The following CALR variants were observed in gnomAD, a reference collection of about 807,000 sequenced individuals.
The protein encoded by CALR is CRP55.
In CALR, 15 loss-of-function variants were observed where a neutral mutation model predicts 51.1. The observed-to-expected ratio is 0.29, with a 90% CI of 0.20 to 0.45. The LOEUF is 0.45. Among genes scored for constraint, CALR ranks in the 20% least tolerant of loss-of-function variants. The pLI is 1.00. For synonymous variants in CALR, 239 were observed against 205.9 expected (o/e 1.16, Z -1.38); for missense variants, 477 against 530.6 (o/e 0.90, Z 0.99).
intron 1 of CALR, 133 bp downstream of exon 1, chr19:12,938,903 T>A: frequency 1.2e-6 from 1 of 813,242 alleles, no homozygotes; most frequent in Non-Finnish European, 2.1e-6. Flanking sequence ...CGCGGGCGAT[T>A]TCTCTTCTGC....
chr19:12,940,027 C>CT, intron 3 of CALR, 26 bp from the exon 4 acceptor site: 3 of 1,544,882 alleles, frequency 1.9e-6, no homozygotes, highest in Middle Eastern at 1.7e-4. Context: ...GTCTCTGACT[C>CT]TTAACTGGAT....
Position 12,940,453 on chromosome 19 carries a change from G to T in CALR, c.702+1G>T. On this transcript the variant is annotated splice_donor_variant, in intron 5 of 8. Coordinates refer to ENST00000316448, the MANE Select transcript of CALR (RefSeq NM_004343.4). LOFTEE classifies it high-confidence loss of function. ...TGATCCCACAGACTCCAAGCCTGAGGTTGGTGTTTGGGCAGGGGCTCTGCT... is the reference window on the plus strand; with the variant it reads ...TGATCCCACAGACTCCAAGCCTGAGTTTGGTGTTTGGGCAGGGGCTCTGCT... 1 of 1,614,158 alleles carries T rather than the reference G, an allele frequency of 6.2e-7. No individual in the cohort carries two copies. The highest frequency in any genetic ancestry group is 1.7e-5 in the Admixed American group (1 of 60,014).
chr19:12,940,286 A>G lies in CALR; in HGVS notation c.536A>G (p.Asp179Gly), dbSNP rs956997728. 9.3e-6 allele frequency: 15 copies of G among 1,614,100 alleles called. No homozygotes were observed. The Admixed American group carries it at 1.8e-4, about 20-fold the overall frequency. The change falls in exon 5 of 9, where the codon GAC becomes GGC. Residue 179 changes from aspartate (D) to glycine (G), a missense_variant. Coordinates refer to ENST00000316448, the MANE Select transcript of CALR (RefSeq NM_004343.4). The part of the protein sequence containing the change: ...THLYTLIVRP[D>G]NTYEVKIDNS... ...CTGTACACACTGATTGTGCGGCCAG[A>G]CAACACCTATGAGGTGAAGATTGAC...
At position 12,940,165 on chromosome 19, in the gene CALR, G is replaced by A; in HGVS notation, c.492+18G>A. The A allele has an allele frequency of 6.2e-7, 1 of 1,612,538 alleles. No homozygotes were observed. The highest frequency in any genetic ancestry group is 8.5e-7 in the Non-Finnish European group (1 of 1,178,502). On this transcript the variant is annotated intron_variant, in intron 4 of 8. Coordinates refer to ENST00000316448, the MANE Select transcript of CALR (RefSeq NM_004343.4). ...GTTGCAAGGTGTGCCTGGGGGTGGT[G>A]GCAAATGGCTGTCATGGGGAGATTC...
At position 12,938,805 on chromosome 19, in the gene CALR, G is replaced by T. The variant is rs772027359; in HGVS notation, c.91+35G>T. On this transcript the variant is annotated intron_variant, in intron 1 of 8. Transcript: ENST00000316448. ...GGTCCCGCCTCGAGGCCGCCCCGAC[G>T]ACGCGGCCGGCCCCCGATCCTGGAT... The T allele has an allele frequency of 2.7e-6, 4 of 1,483,794 alleles. No individual in the cohort carries two copies. The East Asian group carries it at 7.0e-5, about 26-fold the overall frequency. 91.9% of individuals were successfully genotyped at this position (1,483,794 alleles called of 1,614,324 possible). A position where few individuals can be genotyped will look rare whatever the true frequency, so the allele number is the denominator to read the frequency against.
Position 12,940,462 on chromosome 19 carries a change from T to G in CALR, c.702+10T>G. The G allele has an allele frequency of 6.2e-7, 1 of 1,614,092 alleles. No homozygotes were observed. Among genetic ancestry groups the G allele is most frequent in the Non-Finnish European group, 8.5e-7 (1 of 1,179,984 alleles). The stretch of plus-strand genomic sequence containing the variant: ...AGACTCCAAGCCTGAGGTTGGTGTT[T>G]GGGCAGGGGCTCTGCTCTCCACATT... On this transcript the variant is annotated intron_variant, in intron 5 of 8. Transcript: ENST00000316448.
intron 7 of CALR, among the ~76,000 whole-genome samples, chr19:12,942,935 T>A (rs1279656920): frequency 6.6e-6 from 1 of 151,986 alleles, no homozygotes; most frequent in Non-Finnish European, 1.5e-5. Flanking sequence ...TAATTTTTTT[T>A]AGTAGAGACA....
At chr19:12,938,913 C>T (rs973971403) in intron 1 of CALR, 143 bp downstream of exon 1, 60 of 795,120 alleles carry the variant, frequency 7.5e-5, no homozygotes, top group South Asian at 7.2e-4. Flanking sequence ...TTCTCTTCTG[C>T]GTCCCTGGGG....
chr19:12,943,434 C>G, intron 7 of CALR, 103 bp from the exon 8 acceptor site: 1 of 979,366 alleles, frequency 1.0e-6, no homozygotes. Context: ...TCTGCAGATG[C>G]AGGCAGCAGA....
chr19:12,942,897 C>T (rs1034465751), intron 7 of CALR, among the ~76,000 whole-genome samples: 1 of 151,692 alleles, frequency 6.6e-6, no homozygotes, highest in Non-Finnish European at 1.5e-5. Flanking sequence ...GCTGGGATTA[C>T]AGGGATGCGC....
rs1971587645 is a variant in CALR at position 12,943,917 on chromosome 19, GGCCT to G, written c.*9_*12del. Reference sequence around the variant, plus strand: ...CCAGGCCAAGGACGAGCTGTAGAGAGGCCTGCCTCCAGGGCTGGACTGAGGCCTG... The same window carrying G: ...CCAGGCCAAGGACGAGCTGTAGAGAGGCCTCCAGGGCTGGACTGAGGCCTG... On this transcript the variant is annotated 3_prime_UTR_variant, in exon 9 of 9. Coordinates refer to ENST00000316448, the MANE Select transcript of CALR (RefSeq NM_004343.4). 1 of 1,603,030 alleles carries G rather than the reference GGCCT, an allele frequency of 6.2e-7. No homozygotes were observed. Among genetic ancestry groups the G allele is most frequent in the Non-Finnish European group, 8.5e-7 (1 of 1,176,112 alleles).
rs753035212 is a variant in CALR, at chr19:12,940,376, A to C, written c.626A>C (p.Lys209Thr). Residue 209 changes from lysine to threonine, a missense_variant, in exon 5 of 9, where the codon AAG becomes ACG. By Grantham distance (78) the Lys-to-Thr change is moderately conservative. Transcript: ENST00000316448. ...DWDFLPPKKIKDPDASKPEDW... is the reference protein window; with the variant it reads ...DWDFLPPKKITDPDASKPEDW... ...GACTTCCTGCCACCCAAGAAGATAA[A>C]GGATCCTGATGCTTCAAAACCGGAA... 12 of 1,614,174 alleles carry C rather than the reference A, an allele frequency of 7.4e-6. No individual in the cohort carries two copies. The highest frequency in any genetic ancestry group is 1.0e-5 in the Non-Finnish European group (12 of 1,180,024).
At chr19:12,941,622 A>AC (rs898017354) in intron 7 of CALR, among the ~76,000 whole-genome samples, 1 of 148,208 alleles carries the variant, frequency 6.7e-6, no homozygotes, top group Non-Finnish European at 1.5e-5. Flanking sequence ...GACTACAGGC[A>AC]CCCCCCACCA....
At position 12,940,809 on chromosome 19, in the gene CALR, T is replaced by A; in HGVS notation, c.882T>A (p.Ile294=). The change falls in exon 7 of 9, where the codon ATT becomes ATA. Residue 294 remains isoleucine, a synonymous_variant. Transcript: ENST00000316448. ...AGGGCACTTGGATCCACCCAGAAAT[T>A]GACAACCCCGAGTATTCTCCCGATC... is the stretch of plus-strand genomic sequence containing the variant. ...DYKGTWIHPE[I]DNPEYSPDPS... 6.2e-7 allele frequency: 1 copy of A among 1,613,970 alleles called. No individual in the cohort carries two copies. The highest frequency in any genetic ancestry group is 2.2e-5 in the East Asian group (1 of 44,874).
rs1360248191 is a variant in CALR, at chr19:12,943,819, A to T, written c.1160A>T (p.Asp387Val). ...KEEEEAEDKE[D>V]DEDKDEDEED... ...GAGGAGGAGGCAGAGGACAAGGAGG[A>T]TGATGAGGACAAAGATGAGGATGAG... Residue 387 changes from aspartate (D) to valine (V), a missense_variant, in exon 9 of 9, where the codon GAT (aspartate) becomes GTT (valine). By Grantham distance (152) the Asp-to-Val change is radical (BLOSUM62 -3). Coordinates refer to ENST00000316448, the MANE Select transcript of CALR (RefSeq NM_004343.4). The T allele has an allele frequency of 6.3e-7, 1 of 1,582,346 alleles. No homozygotes were observed. The highest frequency in any genetic ancestry group is 8.6e-7 in the Non-Finnish European group (1 of 1,163,798).
intron 7 of CALR, among the ~76,000 whole-genome samples, chr19:12,942,451 GTACCTGAAAAA>G (rs999910268): frequency 6.6e-6 from 1 of 151,958 alleles, no homozygotes; most frequent in African/African-American, 2.4e-5. Flanking sequence ...CATGTAGTAG[GTACCTGAAAAA>G]TACCTGAATA....
rs528652331 is a variant in CALR, at chr19:12,939,461, C to G, written c.227C>G (p.Ala76Gly). The G allele has an allele frequency of 6.2e-7, 1 of 1,612,540 alleles. No homozygotes were observed. The highest frequency in any genetic ancestry group is 8.5e-7 in the Non-Finnish European group (1 of 1,180,030). The change falls in exon 3 of 9, where the codon GCT becomes GGT. Residue 76 changes from alanine (A) to glycine (G), a missense_variant. Coordinates refer to ENST00000316448, the MANE Select transcript of CALR (RefSeq NM_004343.4). ...ACAAGCCAGGATGCACGCTTTTATG[C>G]TCTGTCGGCCAGTTTCGAGCCTTTC... ...LQTSQDARFY[A>G]LSASFEPFSN...
At position 12,939,055 on chromosome 19, in the gene CALR, T is replaced by C. The variant is rs1971507285; in HGVS notation, c.92-79T>C. ...GATCTCCTTTCCTGTCCCCAGCAGCTTGTGGCTCTCGGCAGATGTTTGGTG... is the reference window on the plus strand; with the variant it reads ...GATCTCCTTTCCTGTCCCCAGCAGCCTGTGGCTCTCGGCAGATGTTTGGTG... On this transcript the variant is annotated intron_variant, in intron 1 of 8. Coordinates refer to ENST00000316448, the MANE Select transcript of CALR (RefSeq NM_004343.4). 5 of 862,194 alleles carry C rather than the reference T, an allele frequency of 5.8e-6. No individual in the cohort carries two copies. In the South Asian group the frequency reaches 7.2e-5, roughly 12 times the overall value. 53.4% of individuals were successfully genotyped at this position (862,194 alleles called of 1,614,324 possible).
rs964090332 is a variant in CALR at position 12,940,846 on chromosome 19, G to A, written c.919G>A (p.Ala307Thr). The change falls in exon 7 of 9, where the codon GCC becomes ACC. Residue 307 changes from alanine (A) to threonine (T), a missense_variant. By Grantham distance (58) the Ala-to-Thr change is moderately conservative. Transcript: ENST00000316448. ...PEYSPDPSIY[A>T]YDNFGVLGLD... ...GTATTCTCCCGATCCCAGTATCTATGCCTATGATAACTTTGGCGTGCTGGG... is the reference window on the plus strand; with the variant it reads ...GTATTCTCCCGATCCCAGTATCTATACCTATGATAACTTTGGCGTGCTGGG... 9 of 1,613,994 alleles carry A rather than the reference G, an allele frequency of 5.6e-6. No individual in the cohort carries two copies. Among genetic ancestry groups the A allele is most frequent in the African/African-American group, 1.3e-5 (1 of 74,922 alleles).
Sources: allele counts gnomAD v4.1 joint callset (sites outside exome capture counted in the v4.1 genomes callset), GRCh38; gene constraint gnomAD v4.1.1; transcripts MANE v1.5; gene names NCBI Gene and HGNC (gene_info 2026-07-23, HGNC 2026-07-21).